The following MTR variants were observed in gnomAD, a reference collection of about 807,000 sequenced individuals.
MTR encodes 5-methyltetrahydrofolate-homocysteine methyltransferase.
A neutral mutation model predicts 154.8 loss-of-function variants in MTR; 84 were observed. That is an observed-to-expected ratio of 0.54 (90% confidence interval 0.45 to 0.65). The LOEUF (loss-of-function observed/expected upper bound fraction) is 0.65, where lower values mean the gene tolerates loss of function less well. MTR is among the 30% of genes least tolerant of loss of function. MTR has a pLI of 0.00. For missense variants in MTR, 1,275 were observed against 1,570.2 expected, an observed-to-expected ratio of 0.81 and a Z score of 3.18; for synonymous variants, 554 against 553.9, an observed-to-expected ratio of 1.00 and a Z score of 0.00.
intron 3 of MTR, 100 bp downstream of exon 3, chr1:236,806,333 A>G (rs940251738): frequency 5.4e-6 from 5 of 918,134 alleles, no homozygotes; most frequent in South Asian, 2.7e-5. Context: ...GAGTCAAGCT[A>G]ATGCCTAGTT....
intron 3 of MTR, 132 bp downstream of exon 3, chr1:236,806,365 A>C: frequency 1.3e-6 from 1 of 775,294 alleles, no homozygotes. Context: ...ATGATGAGAC[A>C]GGGAAAATGG....
At chr1:236,800,475 T>G in intron 1 of MTR, 2 of 985,378 alleles carry the variant, frequency 2.0e-6, no homozygotes, top group Non-Finnish European at 2.4e-6. Flanking sequence ...GCTGGGCATG[T>G]AGGTTAGAGT....
At chr1:236,810,382 C>CAGAGTTGTGGACAAAAGATTAT in intron 4 of MTR, 121 bp from the exon 5 acceptor site, 2 of 857,628 alleles carry the variant, frequency 2.3e-6, no homozygotes, top group Non-Finnish European at 3.9e-6. Context: ...TTTTGGATTT[C>CAGAGTTGTGGACAAAAGATTAT]AGAGTTGTGG....
intron 6 of MTR, 133 bp from the exon 7 acceptor site, chr1:236,815,471 A>G: frequency 3.5e-6 from 3 of 862,696 alleles, no homozygotes; most frequent in Non-Finnish European, 3.9e-6. Flanking sequence ...TAAGGAAGAC[A>G]CTTCTTCCCA....
chr1:236,897,548 T>G lies in MTR; in HGVS notation c.3712-10T>G. 6.2e-7 allele frequency: 1 copy of G among 1,612,356 alleles called. No homozygotes were observed. Among genetic ancestry groups the G allele is most frequent in the South Asian group, 1.1e-5 (1 of 91,020 alleles). Reference sequence around the variant, plus strand: ...TGTTGGTTTAATAAAATGCTTCTCATCTTTTGCAGGTTGAGGATTATGCAT... The same window carrying G: ...TGTTGGTTTAATAAAATGCTTCTCAGCTTTTGCAGGTTGAGGATTATGCAT... On this transcript the variant is annotated splice_polypyrimidine_tract_variant and intron_variant, in intron 32 of 32. Coordinates refer to ENST00000366577, the MANE Select transcript of MTR (RefSeq NM_000254.3).
rs936724274 is a variant in MTR, at chr1:236,842,670, C to T, written c.1515+4071C>T. Reference sequence around the variant, plus strand: ...TCCTGAGCACTTAGTATGTGCCAGGCCCTATCCCTATTCTAATCTCTGAGG... The same window carrying T: ...TCCTGAGCACTTAGTATGTGCCAGGTCCTATCCCTATTCTAATCTCTGAGG... On this transcript the variant is annotated intron_variant, in intron 15 of 32. Coordinates refer to ENST00000366577, the MANE Select transcript of MTR (RefSeq NM_000254.3). Among the ~76,000 whole-genome samples, 4 of 151,930 alleles carry T rather than the reference C, an allele frequency of 2.6e-5. No individual in the cohort carries two copies. The East Asian group carries it at 7.7e-4, about 29-fold the overall frequency.
rs374409316 is a variant in MTR, at chr1:236,897,616, G to T, written c.3770G>T (p.Gly1257Val). ...GTGGCTGAGGTTGAGAAATGGCTTG[G>T]ACCCATTTTGGGATATGATACAGAC... ...ISVAEVEKWL[G>V]PILGYDTD is the part of the protein sequence containing the mutation. The change falls in exon 33 of 33, where the codon GGA (glycine) becomes GTA (valine). Residue 1257 changes from glycine (G) to valine (V), a missense_variant. By Grantham distance (109) the Gly-to-Val change is moderately radical. Coordinates refer to ENST00000366577, the MANE Select transcript of MTR (RefSeq NM_000254.3). 55 of 1,613,444 alleles carry T rather than the reference G, an allele frequency of 3.4e-5. 1 individual carries two copies. The African/African-American group carries it at 5.1e-4, about 15-fold the overall frequency.
chr1:236,824,008 G>A (rs1326515247), intron 8 of MTR, 111 bp from the exon 9 acceptor site: 15 of 900,300 alleles, frequency 1.7e-5, no homozygotes, highest in Non-Finnish European at 2.5e-5. Flanking sequence ...TGCTTTGAAT[G>A]AGGAGATTTA....
chr1:236,798,736 T>G (rs1343957564), intron 1 of MTR, among the ~76,000 whole-genome samples: 3 of 152,248 alleles, frequency 2.0e-5, no homozygotes, highest in Non-Finnish European at 4.4e-5. Context: ...ATCTGCTTTA[T>G]TTAGAACTTG....
At chr1:236,823,240 T>G (rs888271332) in intron 8 of MTR, among the ~76,000 whole-genome samples, 5 of 152,154 alleles carry the variant, frequency 3.3e-5, no homozygotes, top group African/African-American at 1.2e-4. Flanking sequence ...ACCAGAAGTG[T>G]TTTTGGATTG....
At position 236,835,537 on chromosome 1, in the gene MTR, C is replaced by T. The variant is rs1481693966; in HGVS notation, c.1189-10C>T. On this transcript the variant is annotated splice_polypyrimidine_tract_variant and intron_variant, in intron 13 of 32. Coordinates refer to ENST00000366577, the MANE Select transcript of MTR (RefSeq NM_000254.3). ...TCCTAATGCTGCTTCCTCTCTCATTCTTCCTTCAGGAAGCCTTGTGTGTTG... is the reference window on the plus strand; with the variant it reads ...TCCTAATGCTGCTTCCTCTCTCATTTTTCCTTCAGGAAGCCTTGTGTGTTG... The T allele has an allele frequency of 6.2e-7, 1 of 1,612,452 alleles. No homozygotes were observed. Among genetic ancestry groups the T allele is most frequent in the Non-Finnish European group, 8.5e-7 (1 of 1,179,750 alleles).
intron 1 of MTR, among the ~76,000 whole-genome samples, chr1:236,798,408 C>A (rs2102994501): frequency 6.6e-6 from 1 of 152,278 alleles, no homozygotes; most frequent in East Asian, 1.9e-4. Context: ...GGGCTTTAAC[C>A]ACTTATACCT....
intron 11 of MTR, among the ~76,000 whole-genome samples, chr1:236,828,583 A>C (rs1321386640): frequency 4.6e-5 from 7 of 152,180 alleles, no homozygotes. Flanking sequence ...GACATGATTT[A>C]TTAAAACTGA....
At chr1:236,886,889 A>G (rs762652242) in intron 27 of MTR, among the ~76,000 whole-genome samples, 1 of 152,208 alleles carries the variant, frequency 6.6e-6, no homozygotes, top group Admixed American at 6.5e-5. Flanking sequence ...ACACATCTTT[A>G]AAACACTGCA....
intron 9 of MTR, 92 bp from the exon 10 acceptor site, chr1:236,825,246 T>C (rs1354098616): frequency 1.2e-6 from 1 of 808,362 alleles, no homozygotes; most frequent in Non-Finnish European, 1.9e-6. Flanking sequence ...AATATAAATA[T>C]AAAATTATAT....
intron 18 of MTR, 29 bp downstream of exon 18, chr1:236,853,117 A>AT (rs761357672): frequency 1.2e-6 from 2 of 1,611,962 alleles, no homozygotes; most frequent in Non-Finnish European, 8.5e-7. Flanking sequence ...TAATAGATGG[A>AT]TTTTTCCTAT....
intron 18 of MTR, among the ~76,000 whole-genome samples, chr1:236,855,455 G>A (rs1664148304): frequency 6.6e-6 from 1 of 152,152 alleles, no homozygotes; most frequent in Non-Finnish European, 1.5e-5. Context: ...CCCTAATGGA[G>A]GCCAGGCCTC....
chr1:236,900,650 A>T lies in MTR; in HGVS notation c.*3006A>T, dbSNP rs1031356365. ...TAAATATATTATAAAAAATAAAGGC[A>T]AAGTGGAATGATAACCTAAAATCTG... On this transcript the variant is annotated 3_prime_UTR_variant, in exon 33 of 33. Transcript: ENST00000366577. 6.6e-6 allele frequency: 1 copy of T among 152,264 alleles called. No homozygotes were observed. Among genetic ancestry groups the T allele is most frequent in the Admixed American group, 6.5e-5 (1 of 15,290 alleles). 9.4% of individuals were successfully genotyped at this position (152,264 alleles called of 1,614,324 possible).
rs969848310 is a variant in MTR, at chr1:236,825,360, C to T, written c.888C>T (p.Asp296=). 3.7e-6 allele frequency: 6 copies of T among 1,613,640 alleles called. No individual in the cohort carries two copies. In the Admixed American group the frequency reaches 6.7e-5, roughly 18 times the overall value. The part of the protein sequence containing the change: ...PNAGLPNTFG[D]YDETPSMMAK... ...CAGGTCTTCCCAACACCTTTGGTGACTATGATGAAACGCCTTCTATGATGG... is the reference window on the plus strand; with the variant it reads ...CAGGTCTTCCCAACACCTTTGGTGATTATGATGAAACGCCTTCTATGATGG... The change falls in exon 10 of 33, where the codon GAC becomes GAT. Residue 296 remains aspartate (D), a synonymous_variant. Coordinates refer to ENST00000366577, the MANE Select transcript of MTR (RefSeq NM_000254.3).
Sources: gnomAD v4.1 joint callset for allele counts (sites outside exome capture counted in the v4.1 genomes callset) on GRCh38, gnomAD v4.1.1 for gene constraint, MANE v1.5 for transcripts, NCBI Gene and HGNC (gene_info 2026-07-23, HGNC 2026-07-21) for gene names.